CLMP: variants seen among roughly 807,000 people sequenced by gnomAD.
CLMP encodes CXADR-like membrane protein.
CLMP carries 27 observed loss-of-function variants against 45.2 expected under a neutral mutation model. The observed-to-expected ratio is 0.60, with a 90% CI of 0.44 to 0.82. CLMP has a LOEUF of 0.82. Ranked by LOEUF, CLMP falls within the 40% of genes least tolerant of loss-of-function variation. The probability of loss-of-function intolerance (pLI) is 0.00; values close to 1 mark genes in which losing one functional copy is unlikely to be tolerated. For synonymous variants in CLMP, 167 were observed against 171.4 expected, an observed-to-expected ratio of 0.97 and a Z score of 0.20; for missense variants, 403 against 448.4, an observed-to-expected ratio of 0.90 and a Z score of 0.91.
chr11:123,133,783 G>C (rs1861025987), intron 1 of CLMP, among the ~76,000 whole-genome samples: 1 of 152,142 alleles, frequency 6.6e-6, no homozygotes, highest in Non-Finnish European at 1.5e-5. Context: ...GTTCTTGTCT[G>C]TGAAGACAGG....
chr11:123,152,556 A>AAATG (rs1861352657), intron 1 of CLMP, among the ~76,000 whole-genome samples: 1 of 147,284 alleles, frequency 6.8e-6, no homozygotes, highest in African/African-American at 2.7e-5. Flanking sequence ...ATAAATAAAT[A>AAATG]AATAAATAAA....
At chr11:123,189,542 G>C (rs965027362) in intron 1 of CLMP, among the ~76,000 whole-genome samples, 1 of 152,146 alleles carries the variant, frequency 6.6e-6, no homozygotes, top group African/African-American at 2.4e-5. Context: ...TAATTATACT[G>C]TCATAATATT....
chr11:123,156,917 T>C (rs1031859379), intron 1 of CLMP, among the ~76,000 whole-genome samples: 2 of 152,210 alleles, frequency 1.3e-5, no homozygotes, highest in African/African-American at 4.8e-5. Context: ...GCAATTATTT[T>C]GGTTAAGATT....
intron 2 of CLMP, among the ~76,000 whole-genome samples, chr11:123,088,073 G>C (rs1048938664): frequency 2.6e-5 from 4 of 152,052 alleles, no homozygotes; most frequent in African/African-American, 7.2e-5. Context: ...ACCAGGCCCA[G>C]CTAATTTTGT....
intron 1 of CLMP, among the ~76,000 whole-genome samples, chr11:123,104,288 C>T (rs1350170478): frequency 6.6e-6 from 1 of 151,648 alleles, no homozygotes; most frequent in African/African-American, 2.4e-5. Flanking sequence ...TCCATGTTGA[C>T]CAGGCTGGTC....
Position 123,074,364 on chromosome 11 carries a change from T to C in CLMP, c.821+338A>G, listed in dbSNP as rs112089656. On this transcript the variant is annotated intron_variant, in intron 6 of 6. Transcript: ENST00000448775. ...TATTTATTTATTTATTTTTCTTTTG[T>C]AAAGATGGAGTCTAACTATGTTGAC... Among the ~76,000 whole-genome samples the C allele has an allele frequency of 4.1e-3, 624 of 152,068 alleles. 4 individuals carry two copies. The highest frequency in any genetic ancestry group is 0.014 in the African/African-American group (592 of 41,484).
At chr11:123,124,795 A>G (rs1860865776) in intron 1 of CLMP, among the ~76,000 whole-genome samples, 1 of 152,254 alleles carries the variant, frequency 6.6e-6, no homozygotes. Flanking sequence ...TTCTAAAATA[A>G]TTATGTAATC....
intron 5 of CLMP, among the ~76,000 whole-genome samples, chr11:123,080,558 T>C (rs1219679037): frequency 6.6e-6 from 1 of 152,046 alleles, no homozygotes; most frequent in Admixed American, 6.6e-5. Context: ...AACTCCCAAC[T>C]TCAAGTGATC....
intron 1 of CLMP, among the ~76,000 whole-genome samples, chr11:123,105,350 CCCTT>C (rs1860526603): frequency 1.7e-5 from 2 of 115,974 alleles, no homozygotes; most frequent in Non-Finnish European, 3.5e-5. Flanking sequence ...TTATTTCCTT[CCCTT>C]CCCTCCCTCC....
At chr11:123,084,278 A>G (rs1252706075) in intron 3 of CLMP, among the ~76,000 whole-genome samples, 1 of 152,322 alleles carries the variant, frequency 6.6e-6, no homozygotes, top group South Asian at 2.1e-4. Flanking sequence ...TAAATATTAG[A>G]GAATATGTTT....
intron 1 of CLMP, among the ~76,000 whole-genome samples, chr11:123,126,345 T>C (rs1400485626): frequency 6.6e-6 from 1 of 152,206 alleles, no homozygotes; most frequent in Non-Finnish European, 1.5e-5. Context: ...CAGAGAGACA[T>C]GCAAATTCTC....
At chr11:123,138,704 AG>A (rs111710495) in intron 1 of CLMP, among the ~76,000 whole-genome samples, 3,953 of 149,884 alleles carry the variant, frequency 0.026, 148 homozygotes, top group African/African-American at 0.09. Flanking sequence ...CCCAAGCTGG[AG>A]TGCGATGGCA....
intron 1 of CLMP, among the ~76,000 whole-genome samples, chr11:123,138,202 T>C (rs1861105343): frequency 6.6e-6 from 1 of 152,116 alleles, no homozygotes. Flanking sequence ...ACATGGACTG[T>C]TTTTAAATTT....
At chr11:123,100,093 C>T (rs74743786) in intron 1 of CLMP, among the ~76,000 whole-genome samples, 3 of 152,096 alleles carry the variant, frequency 2.0e-5, no homozygotes, top group African/African-American at 4.8e-5. Context: ...AGACTGGGCC[C>T]GGCACGGTGG....
At chr11:123,089,898 G>A (rs1032120451) in intron 2 of CLMP, among the ~76,000 whole-genome samples, 9 of 151,490 alleles carry the variant, frequency 5.9e-5, no homozygotes, top group Non-Finnish European at 1.0e-4. Flanking sequence ...TCGGGAGTTC[G>A]AGACCAGCTT....
At chr11:123,183,482 C>T (rs1055012260) in intron 1 of CLMP, among the ~76,000 whole-genome samples, 26 of 152,080 alleles carry the variant, frequency 1.7e-4, no homozygotes, top group African/African-American at 5.8e-4. Context: ...TCACCTACCT[C>T]GGCCTCCCAA....
intron 1 of CLMP, among the ~76,000 whole-genome samples, chr11:123,164,344 C>T (rs1861527714): frequency 6.6e-6 from 1 of 152,124 alleles, no homozygotes; most frequent in African/African-American, 2.4e-5. Context: ...TGCTCTGTCA[C>T]CAAGGCTGGA....
intron 1 of CLMP, among the ~76,000 whole-genome samples, chr11:123,190,286 T>G (rs1295135091): frequency 2.0e-5 from 3 of 152,152 alleles, no homozygotes; most frequent in African/African-American, 7.2e-5. Flanking sequence ...CGTTGACCCT[T>G]CTTGGTTTAT....
At chr11:123,091,770 G>A (rs367976546) in intron 2 of CLMP, among the ~76,000 whole-genome samples, 45 of 152,302 alleles carry the variant, frequency 3.0e-4, no homozygotes, top group African/African-American at 1.1e-3. Context: ...GCCCATCTGT[G>A]TGATTGTTAG....
Sources: gnomAD v4.1 joint callset for allele counts (sites outside exome capture counted in the v4.1 genomes callset) on GRCh38, gnomAD v4.1.1 for gene constraint, MANE v1.5 for transcripts, NCBI Gene and HGNC (gene_info 2026-07-23, HGNC 2026-07-21) for gene names.